Variants in GLG1 observed in about 807,000 individuals in gnomAD.
GLG1 encodes golgi glycoprotein 1, also known as Golgi apparatus protein 1.
A neutral mutation model predicts 160.5 loss-of-function variants in GLG1; 38 were observed. That is an observed-to-expected ratio of 0.24 (90% CI 0.18 to 0.31). The LOEUF (loss-of-function observed/expected upper bound fraction) is 0.31, where lower values mean the gene tolerates loss of function less well. Ranked by LOEUF, GLG1 falls within the 10% of genes least tolerant of loss-of-function variation. GLG1 has a pLI of 1.00. For synonymous variants in GLG1, 644 were observed against 543.4 expected, an observed-to-expected ratio of 1.19 and a Z score of -2.57; for missense variants, 1,373 against 1,505.2, an observed-to-expected ratio of 0.91 and a Z score of 1.45.
At chr16:74,462,919 C>T (rs1436551276) in intron 20 of GLG1, 2 of 464,474 alleles carry the variant, frequency 4.3e-6, no homozygotes, top group African/African-American at 3.9e-5. Context: ...ACATCAGCAA[C>T]CTTCCCCATA....
At chr16:74,511,600 AAAG>A (rs1300480472) in intron 2 of GLG1, among the ~76,000 whole-genome samples, 13 of 143,664 alleles carry the variant, frequency 9.0e-5, no homozygotes, top group African/African-American at 2.1e-4. Context: ...AAAAAAAAAA[AAAG>A]AAAGAAAGAA....
intron 1 of GLG1, among the ~76,000 whole-genome samples, chr16:74,593,430 CTT>C (rs11342633): frequency 0.012 from 1,142 of 96,374 alleles, 7 homozygotes; most frequent in African/African-American, 0.029. Context: ...AGTACCAGAG[CTT>C]TTTTTTTTTT....
At position 74,457,879 on chromosome 16, in the gene GLG1, C is replaced by A. The variant is rs1567454218; in HGVS notation, c.3260G>T (p.Gly1087Val). ...HHCAAITPGR[G>V]RQMSCLMEAL... is the part of the protein sequence containing the mutation. ...GAGTGAACACAGAGACTTACGACGC[C>A]CGCGGCCAGGGGTGATGGCTGCGCA... The change falls in exon 24 of 26, where the codon GGG becomes GTG. Residue 1087 changes from glycine to valine, a missense_variant. By Grantham distance (109) the Gly-to-Val change is moderately radical. Transcript: ENST00000422840. 1 of 1,613,798 alleles carries A rather than the reference C, an allele frequency of 6.2e-7. No individual in the cohort carries two copies. Among genetic ancestry groups the A allele is most frequent in the African/African-American group, 1.3e-5 (1 of 75,000 alleles).
At chr16:74,564,091 T>C (rs2018583364) in intron 1 of GLG1, among the ~76,000 whole-genome samples, 1 of 152,204 alleles carries the variant, frequency 6.6e-6, no homozygotes, top group Non-Finnish European at 1.5e-5. Context: ...CGGCTAATTT[T>C]TGTATTTTCT....
At chr16:74,595,235 A>T (rs940272018) in intron 1 of GLG1, among the ~76,000 whole-genome samples, 1 of 151,196 alleles carries the variant, frequency 6.6e-6, no homozygotes, top group Non-Finnish European at 1.5e-5. Context: ...CAATTTAAGA[A>T]GAATTAAAAG....
intron 4 of GLG1, among the ~76,000 whole-genome samples, chr16:74,500,487 A>C (rs975039924): frequency 3.3e-5 from 5 of 152,002 alleles, no homozygotes; most frequent in African/African-American, 1.2e-4. Flanking sequence ...CAAAAAAAAA[A>C]ACCAACAACA....
chr16:74,562,717 C>T (rs1028125270), intron 1 of GLG1, among the ~76,000 whole-genome samples: 7 of 152,166 alleles, frequency 4.6e-5, no homozygotes, highest in Non-Finnish European at 1.0e-4. Context: ...TCCAGTGATT[C>T]GCCCACCTCG....
intron 16 of GLG1, 78 bp downstream of exon 16, chr16:74,469,907 G>A: frequency 1.1e-6 from 1 of 924,530 alleles, no homozygotes. Context: ...CAGGAGGGCT[G>A]CCTAACATCT....
rs2017795310 is a variant in GLG1, at chr16:74,540,014, A to ATATATATAT, written c.439-7870_439-7862dup. Among the ~76,000 whole-genome samples, 2 of 5,750 alleles carry ATATATATAT rather than the reference A, an allele frequency of 3.5e-4. 1 individual carries two copies. The highest frequency in any genetic ancestry group is 0.011 in the South Asian group (2 of 178). The allele number at this position is 5,750 out of a possible 152,430, so 3.8% of individuals were successfully genotyped here. A position where few individuals can be genotyped will look rare whatever the true frequency, so the allele number is the denominator to read the frequency against. ...TATATATTTTATATATATATATTTTATATATATATATTATATATATTTTAT... is the reference window on the plus strand; with the variant it reads ...TATATATTTTATATATATATATTTTATATATATATTATATATATATTATATATATTTTAT... On this transcript the variant is annotated intron_variant, in intron 1 of 25. Coordinates refer to ENST00000422840, the MANE Select transcript of GLG1 (RefSeq NM_001145667.2).
chr16:74,478,013 T>TAAATAAATA (rs548461001), intron 11 of GLG1, among the ~76,000 whole-genome samples: 2 of 150,406 alleles, frequency 1.3e-5, no homozygotes, highest in Non-Finnish European at 3.0e-5. Flanking sequence ...AATAAATAAA[T>TAAATAAATA]AAAATGTGCA....
intron 1 of GLG1, among the ~76,000 whole-genome samples, chr16:74,564,765 C>T (rs766560668): frequency 6.6e-6 from 1 of 152,192 alleles, no homozygotes; most frequent in East Asian, 1.9e-4. Context: ...CCAGATCAAA[C>T]CTAAATGAAG....
chr16:74,539,414 A>T (rs562415066), intron 1 of GLG1, among the ~76,000 whole-genome samples: 42 of 152,002 alleles, frequency 2.8e-4, no homozygotes, highest in African/African-American at 9.7e-4. Context: ...ATAAATATAG[A>T]ACAGTGAGTG....
intron 14 of GLG1, 108 bp downstream of exon 14, chr16:74,472,241 C>T: frequency 2.6e-6 from 2 of 783,070 alleles, no homozygotes; most frequent in Non-Finnish European, 4.4e-6. Flanking sequence ...CTGGCTAACA[C>T]TCAAGAGTAA....
At chr16:74,598,826 G>A (rs1958368841) in intron 1 of GLG1, among the ~76,000 whole-genome samples, 1 of 151,858 alleles carries the variant, frequency 6.6e-6, no homozygotes, top group African/African-American at 2.4e-5. Context: ...GGAGGTTGCA[G>A]TGAGTCGAGA....
chr16:74,462,204 G>T lies in GLG1; in HGVS notation c.2935-9C>A. 3 of 1,466,618 alleles carry T rather than the reference G, an allele frequency of 2.0e-6. No homozygotes were observed. The highest frequency in any genetic ancestry group is 1.1e-5 in the South Asian group (1 of 87,890). The allele number at this position is 1,466,618 out of a possible 1,614,324, so 90.9% of individuals were successfully genotyped here. ...CAGTCTGAAGACAGGCGCTGCATGT[G>T]ACAAAGGGAGGATACATGGGCTGAT... On this transcript the variant is annotated splice_polypyrimidine_tract_variant and intron_variant, in intron 21 of 25. Transcript: ENST00000422840.
chr16:74,474,702 G>C lies in GLG1; in HGVS notation c.1966-70C>G, dbSNP rs1045077437. The C allele has an allele frequency of 1.1e-5, 9 of 795,518 alleles. No individual in the cohort carries two copies. The African/African-American group carries it at 1.2e-4, about 10-fold the overall frequency. The allele number at this position is 795,518 out of a possible 1,614,324, so 49.3% of individuals were successfully genotyped here. On this transcript the variant is annotated intron_variant, in intron 12 of 25. Coordinates refer to ENST00000422840, the MANE Select transcript of GLG1 (RefSeq NM_001145667.2). ...ATGAACAAGGCAAGGGGAGATATCA[G>C]CGTCATGACACTTCCCTTTTCAGTG...
intron 1 of GLG1, among the ~76,000 whole-genome samples, chr16:74,606,050 C>A (rs1022648825): frequency 1.3e-5 from 2 of 152,176 alleles, no homozygotes; most frequent in Admixed American, 6.5e-5. Context: ...CAGTCACAAA[C>A]ACAGCTTCAA....
chr16:74,521,009 G>A (rs984627348), intron 2 of GLG1, among the ~76,000 whole-genome samples: 1 of 152,180 alleles, frequency 6.6e-6, no homozygotes, highest in African/African-American at 2.4e-5. Flanking sequence ...CTAGGGCAAG[G>A]TGAATTGAAA....
intron 1 of GLG1, among the ~76,000 whole-genome samples, chr16:74,584,572 T>C (rs946685872): frequency 2.0e-5 from 3 of 152,016 alleles, no homozygotes; most frequent in African/African-American, 4.8e-5. Context: ...AATGATATAA[T>C]GAACTCTGGG....
Sources: allele counts gnomAD v4.1 joint callset (sites outside exome capture counted in the v4.1 genomes callset), GRCh38; gene constraint gnomAD v4.1.1; transcripts MANE v1.5; gene names NCBI Gene and HGNC (gene_info 2026-07-23, HGNC 2026-07-21).